The following CNTN1 variants were observed in gnomAD, a reference collection of about 807,000 sequenced individuals.
The protein encoded by CNTN1 is contactin 1.
A neutral mutation model predicts 126.4 loss-of-function variants in CNTN1; 38 were observed. That is an observed-to-expected ratio of 0.30 (90% CI 0.23 to 0.39). The LOEUF is 0.39. Ranked by LOEUF, CNTN1 falls within the 10% of genes least tolerant of loss-of-function variation. The probability of loss-of-function intolerance (pLI) is 1.00; values close to 1 mark genes in which losing one functional copy is unlikely to be tolerated. For synonymous variants in CNTN1, 413 were observed against 422.6 expected (o/e 0.98, Z 0.28); for missense variants, 1,009 against 1,248.4 (o/e 0.81, Z 2.89).
intron 1 of CNTN1, among the ~76,000 whole-genome samples, chr12:40,879,792 T>C (rs567165055): frequency 6.6e-5 from 10 of 152,158 alleles, no homozygotes; most frequent in Non-Finnish European, 1.3e-4. Flanking sequence ...CAATCAATCC[T>C]ACTTGTGTTA....
intron 14 of CNTN1, among the ~76,000 whole-genome samples, chr12:40,945,238 G>A (rs1946392529): frequency 6.6e-6 from 1 of 152,006 alleles, no homozygotes; most frequent in African/African-American, 2.4e-5. Flanking sequence ...TATATACCAT[G>A]TAATATATTT....
chr12:40,830,521 A>G (rs1383670430), intron 1 of CNTN1, among the ~76,000 whole-genome samples: 1 of 151,648 alleles, frequency 6.6e-6, no homozygotes, highest in African/African-American at 2.4e-5. Flanking sequence ...ACTGTAGTTG[A>G]TATACATTAT....
At chr12:40,711,813 A>G (rs890013645) in intron 1 of CNTN1, among the ~76,000 whole-genome samples, 2 of 152,090 alleles carry the variant, frequency 1.3e-5, no homozygotes, top group Non-Finnish European at 2.9e-5. Context: ...CCTGAGCTCA[A>G]GTGATCCTCC....
At chr12:40,994,612 GAAT>G (rs1314993925) in intron 17 of CNTN1, among the ~76,000 whole-genome samples, 1 of 151,960 alleles carries the variant, frequency 6.6e-6, no homozygotes, top group Admixed American at 6.6e-5. Flanking sequence ...CAGCTCTAGG[GAAT>G]AATAATAAAA....
chr12:40,938,092 C>A (rs1027014608), intron 11 of CNTN1, among the ~76,000 whole-genome samples: 3 of 152,198 alleles, frequency 2.0e-5, no homozygotes, highest in Non-Finnish European at 4.4e-5. Flanking sequence ...CCTAGAAAAG[C>A]CTCCAGAAAG....
At chr12:40,769,220 G>A (rs1939240467) in intron 1 of CNTN1, among the ~76,000 whole-genome samples, 1 of 152,016 alleles carries the variant, frequency 6.6e-6, no homozygotes, top group South Asian at 2.1e-4. Flanking sequence ...AAAATAAGCA[G>A]AATAATTCTA....
chr12:40,950,264 TAA>T (rs957510329), intron 14 of CNTN1, among the ~76,000 whole-genome samples: 1 of 151,970 alleles, frequency 6.6e-6, no homozygotes, highest in Non-Finnish European at 1.5e-5. Context: ...AGAAAGATAT[TAA>T]AAAAGAGACT....
chr12:40,836,126 G>A lies in CNTN1; in HGVS notation c.-76-72231G>A, dbSNP rs577213921. 3.9e-3 allele frequency among the ~76,000 whole-genome samples: 460 copies of A among 119,412 alleles called. 3 individuals are homozygous for A. The highest frequency in any genetic ancestry group is 0.014 in the African/African-American group (447 of 33,056). 78.3% of individuals were successfully genotyped at this position (119,412 alleles called of 152,430 possible). On this transcript the variant is annotated intron_variant, in intron 1 of 23. Coordinates refer to ENST00000551295, the MANE Select transcript of CNTN1 (RefSeq NM_001843.4). ...CGTACATATACAGGTATATATATAC[G>A]TACATATACAGGTATATACACATAT...
chr12:41,017,229 G>T (rs1220471175), intron 19 of CNTN1, among the ~76,000 whole-genome samples: 3 of 151,754 alleles, frequency 2.0e-5, no homozygotes, highest in Non-Finnish European at 4.4e-5. Context: ...CTCCATACTT[G>T]AACAGAATCT....
At chr12:40,709,292 G>A (rs1327949301) in intron 1 of CNTN1, among the ~76,000 whole-genome samples, 1 of 152,094 alleles carries the variant, frequency 6.6e-6, no homozygotes, top group Admixed American at 6.5e-5. Flanking sequence ...TTTTTTCTGA[G>A]CAGTCGGTCT....
At chr12:40,753,933 TCTC>T (rs1206035796) in intron 1 of CNTN1, among the ~76,000 whole-genome samples, 2 of 152,074 alleles carry the variant, frequency 1.3e-5, no homozygotes, top group Admixed American at 6.6e-5. Flanking sequence ...ATTTAATTCA[TCTC>T]CTATTGTTGG....
At chr12:40,947,796 C>T (rs372305858) in intron 14 of CNTN1, among the ~76,000 whole-genome samples, 40,582 of 139,586 alleles carry the variant, frequency 0.29, 6,539 homozygotes, top group Middle Eastern at 0.37. Context: ...CACACACACA[C>T]ACACACACAC....
At position 40,929,870 on chromosome 12, in the gene CNTN1, C is replaced by G; in HGVS notation, c.571C>G (p.Gln191Glu). 1.2e-6 allele frequency: 2 copies of G among 1,612,650 alleles called. No homozygotes were observed. Among genetic ancestry groups the G allele is most frequent in the Non-Finnish European group, 1.7e-6 (2 of 1,178,992 alleles). ...AATGGATAAACGGCGATTTGTGTCTCAGACAAATGGCAATCTCTACATTGC... is the reference window on the plus strand; with the variant it reads ...AATGGATAAACGGCGATTTGTGTCTGAGACAAATGGCAATCTCTACATTGC... ...ITMDKRRFVS[Q>E]TNGNLYIANV... Residue 191 changes from glutamine (Q) to glutamate (E), a missense_variant, in exon 7 of 24, where the codon CAG becomes GAG. Transcript: ENST00000551295.
At chr12:40,895,775 T>TTTTTTA (rs1944387418) in intron 1 of CNTN1, among the ~76,000 whole-genome samples, 1 of 114,458 alleles carries the variant, frequency 8.7e-6, no homozygotes, top group African/African-American at 3.7e-5. Context: ...TTTTTTTTTT[T>TTTTTTA]GAGACGGAGT....
At chr12:40,784,546 G>A (rs1469862979) in intron 1 of CNTN1, among the ~76,000 whole-genome samples, 1 of 152,100 alleles carries the variant, frequency 6.6e-6, no homozygotes, top group African/African-American at 2.4e-5. Context: ...TTGCTGAGCG[G>A]GCTAGAAAAG....
chr12:40,802,150 A>G (rs965198279), intron 1 of CNTN1, among the ~76,000 whole-genome samples: 1 of 152,036 alleles, frequency 6.6e-6, no homozygotes, highest in African/African-American at 2.4e-5. Context: ...ATAACCAAGT[A>G]GAAATATTAA....
intron 1 of CNTN1, among the ~76,000 whole-genome samples, chr12:40,878,276 G>A (rs1453699820): frequency 5.3e-5 from 8 of 149,990 alleles, no homozygotes; most frequent in East Asian, 1.9e-4. Context: ...GATTACAGGC[G>A]TGAGCCACTG....
chr12:40,898,792 G>A (rs1269134402), intron 1 of CNTN1, among the ~76,000 whole-genome samples: 2 of 152,186 alleles, frequency 1.3e-5, no homozygotes, highest in Non-Finnish European at 2.9e-5. Flanking sequence ...GTGGTCTCGT[G>A]TCAGAAGACA....
intron 14 of CNTN1, among the ~76,000 whole-genome samples, chr12:40,957,438 T>A (rs1317471265): frequency 9.7e-6 from 1 of 102,906 alleles, no homozygotes; most frequent in East Asian, 2.4e-4. Context: ...CAAGGTTGAT[T>A]TACCCTACCT....
Sources: gnomAD v4.1 joint callset for allele counts (sites outside exome capture counted in the v4.1 genomes callset) on GRCh38, gnomAD v4.1.1 for gene constraint, MANE v1.5 for transcripts, NCBI Gene and HGNC (gene_info 2026-07-23, HGNC 2026-07-21) for gene names.